The following PTPRM variants were observed in gnomAD, a reference collection of about 807,000 sequenced individuals.
PTPRM encodes receptor-type tyrosine-protein phosphatase mu.
A neutral mutation model predicts 186.7 loss-of-function variants in PTPRM; 47 were observed. The ratio of observed to expected loss-of-function variants is 0.25; its 90% confidence interval spans 0.20 to 0.32. The LOEUF is 0.32. Ranked by LOEUF, PTPRM falls within the 10% of genes least tolerant of loss-of-function variation. The probability of loss-of-function intolerance (pLI) is 1.00; values close to 1 mark genes in which losing one functional copy is unlikely to be tolerated. For missense variants in PTPRM, 1,494 were observed against 1,865.0 expected (o/e 0.80, Z 3.66); for synonymous variants, 668 against 674.9 (o/e 0.99, Z 0.16).
chr18:8,116,854 T>C (rs760479512), intron 13 of PTPRM, among the ~76,000 whole-genome samples: 2 of 152,138 alleles, frequency 1.3e-5, no homozygotes, highest in Non-Finnish European at 2.9e-5. Context: ...TATTCCCCAC[T>C]CCTATTTTCT....
At chr18:7,991,806 G>A (rs1228699523) in intron 7 of PTPRM, among the ~76,000 whole-genome samples, 2 of 152,112 alleles carry the variant, frequency 1.3e-5, no homozygotes, top group Admixed American at 1.3e-4. Flanking sequence ...TGTTATAAAG[G>A]CCCATAAGTT....
chr18:7,605,450 T>A (rs2037509341), intron 1 of PTPRM, among the ~76,000 whole-genome samples: 1 of 150,054 alleles, frequency 6.7e-6, no homozygotes, highest in African/African-American at 2.5e-5. Flanking sequence ...AGTACCATAC[T>A]TTGTAGCAAA....
At chr18:8,390,120 G>A (rs917294857) in intron 31 of PTPRM, among the ~76,000 whole-genome samples, 1 of 152,322 alleles carries the variant, frequency 6.6e-6, no homozygotes, top group African/African-American at 2.4e-5. Context: ...ATAGAAAACA[G>A]CTAATCTTCT....
chr18:8,394,340 A>T, intron 31 of PTPRM, 136 bp from the exon 32 acceptor site: 1 of 924,568 alleles, frequency 1.1e-6, no homozygotes, highest in Non-Finnish European at 1.5e-6. Context: ...GAATCTGCCC[A>T]GGTAAGAGGT....
chr18:7,888,465 G>T, intron 3 of PTPRM, 88 bp downstream of exon 3: 2 of 1,409,008 alleles, frequency 1.4e-6, no homozygotes, highest in East Asian at 2.5e-5. Flanking sequence ...AATCAGAAAA[G>T]GTTGTTGTAT....
intron 4 of PTPRM, among the ~76,000 whole-genome samples, chr18:7,907,276 C>T (rs1443515547): frequency 6.6e-6 from 1 of 152,230 alleles, no homozygotes; most frequent in East Asian, 1.9e-4. Context: ...GGTTGTTGCA[C>T]CTGTTATGGT....
intron 8 of PTPRM, among the ~76,000 whole-genome samples, chr18:8,071,365 G>A (rs1600393505): frequency 6.6e-6 from 1 of 152,224 alleles, no homozygotes; most frequent in Non-Finnish European, 1.5e-5. Context: ...TCCATTGGCT[G>A]TATTCAAATC....
intron 31 of PTPRM, among the ~76,000 whole-genome samples, chr18:8,393,080 G>C (rs1188887763): frequency 6.6e-6 from 1 of 152,188 alleles, no homozygotes; most frequent in Non-Finnish European, 1.5e-5. Context: ...TATTTGCGTA[G>C]TCCCAAAATA....
chr18:8,001,288 AG>A (rs568423746), intron 7 of PTPRM, among the ~76,000 whole-genome samples: 87 of 152,306 alleles, frequency 5.7e-4, no homozygotes, highest in African/African-American at 1.6e-3. Flanking sequence ...CGTAAACTCC[AG>A]GATGGAGCCT....
intron 15 of PTPRM, among the ~76,000 whole-genome samples, chr18:8,244,859 A>G (rs1196026393): frequency 1.3e-5 from 2 of 152,120 alleles, no homozygotes; most frequent in African/African-American, 4.8e-5. Context: ...AATCTCGGAG[A>G]CCAGAGGGAG....
intron 7 of PTPRM, among the ~76,000 whole-genome samples, chr18:8,015,434 C>T (rs1002062438): frequency 6.6e-6 from 1 of 152,172 alleles, no homozygotes; most frequent in African/African-American, 2.4e-5. Context: ...TCATTTAAAG[C>T]TGTTTATACT....
Position 8,386,498 on chromosome 18 carries a change from C to A in PTPRM, c.4045-574C>A, listed in dbSNP as rs1369928098. On this transcript the variant is annotated intron_variant, in intron 30 of 32. Coordinates refer to ENST00000580170, the MANE Select transcript of PTPRM (RefSeq NM_001105244.2). ...GCTGAAGGCCACAGAAGATACAGTC[C>A]AAGTGATTTAGCCGTGGCCAGATTA... Among the ~76,000 whole-genome samples the A allele has an allele frequency of 2.0e-5, 3 of 152,162 alleles. No homozygotes were observed. In the South Asian group the frequency reaches 6.2e-4, roughly 32 times the overall value.
rs368214327 is a variant in PTPRM, at chr18:7,925,636, T to C, written c.548-932T>C. On this transcript the variant is annotated intron_variant, in intron 4 of 32. Coordinates refer to ENST00000580170, the MANE Select transcript of PTPRM (RefSeq NM_001105244.2). ...ATTCTGGTTATTATCCAGATTTATC[T>C]GTCTCTCCCAGAAAGTATGATCATC... Among the ~76,000 whole-genome samples, 8 of 152,296 alleles carry C rather than the reference T, an allele frequency of 5.3e-5. No individual in the cohort carries two copies. The South Asian group carries it at 8.3e-4, about 16-fold the overall frequency.
intron 1 of PTPRM, among the ~76,000 whole-genome samples, chr18:7,656,617 G>A (rs1462771752): frequency 6.6e-6 from 1 of 152,158 alleles, no homozygotes; most frequent in Admixed American, 6.5e-5. Flanking sequence ...TTCAGTGGTT[G>A]GGGATGGTGG....
At chr18:7,715,097 G>A (rs1041321794) in intron 1 of PTPRM, among the ~76,000 whole-genome samples, 16 of 152,060 alleles carry the variant, frequency 1.1e-4, no homozygotes, top group African/African-American at 3.6e-4. Context: ...ACATCGATGC[G>A]AAAATCCTCA....
At chr18:7,846,769 G>C (rs1479652589) in intron 2 of PTPRM, among the ~76,000 whole-genome samples, 1 of 152,162 alleles carries the variant, frequency 6.6e-6, no homozygotes, top group Non-Finnish European at 1.5e-5. Context: ...TTGCCTACCT[G>C]CTTGTCTTCG....
At chr18:8,189,365 CGG>C (rs1391437288) in intron 14 of PTPRM, among the ~76,000 whole-genome samples, 2 of 151,338 alleles carry the variant, frequency 1.3e-5, no homozygotes, top group African/African-American at 4.9e-5. Context: ...GATCAGCTCA[CGG>C]GGGGTTCTGC....
intron 32 of PTPRM, 43 bp from the exon 33 acceptor site, chr18:8,406,066 T>G: frequency 6.3e-7 from 1 of 1,575,324 alleles, no homozygotes; most frequent in Non-Finnish European, 8.7e-7. Context: ...AGGAACAGCG[T>G]TGAGATATTC....
intron 7 of PTPRM, among the ~76,000 whole-genome samples, chr18:8,001,430 A>G (rs747962824): frequency 7.2e-5 from 11 of 152,152 alleles, no homozygotes; most frequent in Non-Finnish European, 1.5e-4. Context: ...GGTGCATGCG[A>G]ATGGGTGTGT....
Sources: gnomAD v4.1 joint callset for allele counts (sites outside exome capture counted in the v4.1 genomes callset) on GRCh38, gnomAD v4.1.1 for gene constraint, MANE v1.5 for transcripts, NCBI Gene and HGNC (gene_info 2026-07-23, HGNC 2026-07-21) for gene names.